The following GMPS variants were observed in gnomAD, a reference collection of about 807,000 sequenced individuals.
The protein encoded by GMPS is guanosine monophosphate synthase, also known as GMP synthase [glutamine-hydrolyzing].
Under a neutral mutation model 77.9 loss-of-function variants are expected in GMPS, and 15 were observed. The ratio of observed to expected loss-of-function variants is 0.19; its 90% confidence interval spans 0.13 to 0.30. The LOEUF (loss-of-function observed/expected upper bound fraction) is 0.30, where lower values mean the gene tolerates loss of function less well. Among genes scored for constraint, GMPS ranks in the 10% least tolerant of loss-of-function variants. The pLI is 1.00. For synonymous variants in GMPS, 224 were observed against 275.9 expected (o/e 0.81, Z 1.86); for missense variants, 590 against 838.8 (o/e 0.70, Z 3.66).
chr3:155,937,578 T>A lies in GMPS; in HGVS notation c.1981-13T>A, dbSNP rs777109071. ...AGTGGATGCTGACTTTTCTCTATAA[T>A]TTTTTTTAATAGGTGGTATTAAAGA... On this transcript the variant is annotated splice_polypyrimidine_tract_variant and intron_variant, in intron 15 of 15. Transcript: ENST00000496455. 6.2e-6 allele frequency: 7 copies of A among 1,136,164 alleles called. No individual in the cohort carries two copies. The highest frequency in any genetic ancestry group is 1.2e-5 in the South Asian group (1 of 80,156). The allele number at this position is 1,136,164 out of a possible 1,614,324, so 70.4% of individuals were successfully genotyped here. A position where few individuals can be genotyped will look rare whatever the true frequency, so the allele number is the denominator to read the frequency against.
intron 8 of GMPS, among the ~76,000 whole-genome samples, chr3:155,915,466 A>G (rs375678024): frequency 5.3e-5 from 8 of 151,868 alleles, no homozygotes; most frequent in Non-Finnish European, 8.8e-5. Flanking sequence ...TAGTGGTGCA[A>G]TCTTGGCTCA....
chr3:155,870,819 C>T lies in GMPS; in HGVS notation c.-52C>T. 1.2e-5 allele frequency: 15 copies of T among 1,278,968 alleles called. No homozygotes were observed. The South Asian group carries it at 2.0e-4, about 17-fold the overall frequency. 79.2% of individuals were successfully genotyped at this position (1,278,968 alleles called of 1,614,324 possible). A position where few individuals can be genotyped will look rare whatever the true frequency, so the allele number is the denominator to read the frequency against. Reference sequence around the variant, plus strand: ...GGCGCCGACCCTTCCGGCACCCTCCCGCCCCGTCTCGTACTGTCGCCGTCA... The same window carrying T: ...GGCGCCGACCCTTCCGGCACCCTCCTGCCCCGTCTCGTACTGTCGCCGTCA... On this transcript the variant is annotated 5_prime_UTR_variant, in exon 1 of 16. Transcript: ENST00000496455.
chr3:155,903,348 G>A (rs996149352), intron 3 of GMPS, among the ~76,000 whole-genome samples: 1 of 152,178 alleles, frequency 6.6e-6, no homozygotes, highest in African/African-American at 2.4e-5. Context: ...TAACTGAAAG[G>A]CCAGATTTTC....
intron 12 of GMPS, 83 bp from the exon 13 acceptor site, chr3:155,931,682 T>C (rs200682986): frequency 3.9e-6 from 2 of 515,366 alleles, no homozygotes; most frequent in South Asian, 5.2e-5. Flanking sequence ...TCTTTTTTTT[T>C]TAAAAAAAAA....
chr3:155,936,570 G>A lies in GMPS; in HGVS notation c.1980+60G>A, dbSNP rs554752949. The A allele has an allele frequency of 3.1e-4, 295 of 962,742 alleles. 2 individuals are homozygous for A. In the South Asian group the frequency reaches 4.0e-3, roughly 13 times the overall value. The allele number at this position is 962,742 out of a possible 1,614,324, so 59.6% of individuals were successfully genotyped here. On this transcript the variant is annotated intron_variant, in intron 15 of 15. Transcript: ENST00000496455. ...AGTACCTCTTACATTTTATAATATG[G>A]TGAATGGAATAGGCTATGCCAGTGC... is the stretch of plus-strand genomic sequence containing the variant.
chr3:155,893,256 A>T (rs2108073428), intron 1 of GMPS, among the ~76,000 whole-genome samples: 1 of 152,326 alleles, frequency 6.6e-6, no homozygotes, highest in Non-Finnish European at 1.5e-5. Context: ...TCATGCATGT[A>T]AGATATATAT....
At chr3:155,908,776 G>A (rs1359053796) in intron 5 of GMPS, among the ~76,000 whole-genome samples, 2 of 152,110 alleles carry the variant, frequency 1.3e-5, no homozygotes, top group East Asian at 1.9e-4. Context: ...ATTCAAGATG[G>A]TTTATTAAAC....
At chr3:155,889,827 G>T (rs1285536697) in intron 1 of GMPS, among the ~76,000 whole-genome samples, 2 of 152,006 alleles carry the variant, frequency 1.3e-5, no homozygotes, top group African/African-American at 2.4e-5. Flanking sequence ...ATTTTATTAT[G>T]ATGCACTCAG....
rs905564809 is a variant in GMPS, at chr3:155,941,436, A to C, written c.*3744A>C. The C allele has an allele frequency of 5.1e-6, 1 of 195,526 alleles. No individual in the cohort carries two copies. Among genetic ancestry groups the C allele is most frequent in the Non-Finnish European group, 1.1e-5 (1 of 94,878 alleles). 12.1% of individuals were successfully genotyped at this position (195,526 alleles called of 1,614,324 possible). A position where few individuals can be genotyped will look rare whatever the true frequency, so the allele number is the denominator to read the frequency against. On this transcript the variant is annotated 3_prime_UTR_variant, in exon 16 of 16. Coordinates refer to ENST00000496455, the MANE Select transcript of GMPS (RefSeq NM_003875.3). ...AAAAAAAAGGAAGTTCTTAGTGTGT[A>C]ATTGACCATCAGGGATAAATGGGCT...
intron 5 of GMPS, among the ~76,000 whole-genome samples, chr3:155,910,458 A>G (rs1047826853): frequency 2.6e-5 from 4 of 151,570 alleles, no homozygotes; most frequent in Non-Finnish European, 4.4e-5. Flanking sequence ...AATGCCAGCT[A>G]CTTGGGAGCC....
intron 7 of GMPS, among the ~76,000 whole-genome samples, chr3:155,913,530 T>TTC (rs1371642074): frequency 6.6e-6 from 1 of 151,246 alleles, no homozygotes; most frequent in Non-Finnish European, 1.5e-5. Context: ...TAAATTTTTT[T>TTC]TTTTTTTTTG....
Position 155,939,699 on chromosome 3 carries a change from A to G in GMPS, c.*2007A>G, listed in dbSNP as rs1283510957. The G allele has an allele frequency of 2.1e-5, 4 of 192,664 alleles. No individual in the cohort carries two copies. The highest frequency in any genetic ancestry group is 3.3e-5 in the Non-Finnish European group (3 of 92,256). The allele number at this position is 192,664 out of a possible 1,614,324, so 11.9% of individuals were successfully genotyped here. A position where few individuals can be genotyped will look rare whatever the true frequency, so the allele number is the denominator to read the frequency against. On this transcript the variant is annotated 3_prime_UTR_variant, in exon 16 of 16. Coordinates refer to ENST00000496455, the MANE Select transcript of GMPS (RefSeq NM_003875.3). ...TATATACTTAATATAATATTGGGAA[A>G]ATTGTTACTCCAAAGCACATCTTGA...
chr3:155,928,505 T>A (rs550114002), intron 12 of GMPS, among the ~76,000 whole-genome samples: 51 of 152,264 alleles, frequency 3.3e-4, no homozygotes, highest in Non-Finnish European at 6.5e-4. Flanking sequence ...AGAGAATAAA[T>A]TATCAGTTTT....
chr3:155,928,421 C>T (rs1490116384), intron 12 of GMPS, among the ~76,000 whole-genome samples: 5 of 152,104 alleles, frequency 3.3e-5, no homozygotes, highest in Admixed American at 6.5e-5. Flanking sequence ...TTAGGTACTT[C>T]TCTAATCTGT....
intron 3 of GMPS, among the ~76,000 whole-genome samples, chr3:155,899,494 G>C (rs1001913000): frequency 5.3e-5 from 8 of 149,912 alleles, no homozygotes; most frequent in Admixed American, 2.0e-4. Context: ...AAATTAAGAA[G>C]GTATAGAAAT....
At chr3:155,899,328 G>A (rs905850157) in intron 3 of GMPS, among the ~76,000 whole-genome samples, 11 of 151,436 alleles carry the variant, frequency 7.3e-5, no homozygotes, top group African/African-American at 2.2e-4. Flanking sequence ...AGATCATGCC[G>A]TTGCACTCCA....
chr3:155,881,446 A>C (rs1323054997), intron 1 of GMPS, among the ~76,000 whole-genome samples: 2 of 152,174 alleles, frequency 1.3e-5, no homozygotes, highest in Non-Finnish European at 2.9e-5. Context: ...TGCTGGGGTT[A>C]CAGGCGTGAG....
rs35910218 is a variant in GMPS at position 155,910,873 on chromosome 3, G to C, written c.708G>C (p.Thr236=). 1 of 1,573,850 alleles carries C rather than the reference G, an allele frequency of 6.4e-7. No homozygotes were observed. The highest frequency in any genetic ancestry group is 8.6e-7 in the Non-Finnish European group (1 of 1,165,058). ...GAGAGATCAAAGAGAGAGTAGGCACGTCAAAAGTTTTGGTAAGCAAATTAT... is the reference window on the plus strand; with the variant it reads ...GAGAGATCAAAGAGAGAGTAGGCACCTCAAAAGTTTTGGTAAGCAAATTAT... The part of the protein sequence containing the change: ...CIREIKERVG[T]SKVLVLLSGG... Residue 236 remains threonine, a synonymous_variant, in exon 6 of 16, where the codon ACG becomes ACC. Transcript: ENST00000496455.
At position 155,914,534 on chromosome 3, in the gene GMPS, A is replaced by G. The variant is rs755919447; in HGVS notation, c.1002A>G (p.Glu334=). ...CGTTAAATATGACCACAAGTCCTGA[A>G]GAGAAAAGAAAAATCATTGGGGATA... ...SKTLNMTTSP[E]EKRKIIGDTF... The change falls in exon 8 of 16, where the codon GAA becomes GAG. Residue 334 remains glutamate, a synonymous_variant. Coordinates refer to ENST00000496455, the MANE Select transcript of GMPS (RefSeq NM_003875.3). 8 of 1,595,330 alleles carry G rather than the reference A, an allele frequency of 5.0e-6. No homozygotes were observed. Among genetic ancestry groups the G allele is most frequent in the Non-Finnish European group, 6.8e-6 (8 of 1,173,484 alleles).
Sources: gnomAD v4.1 joint callset for allele counts (sites outside exome capture counted in the v4.1 genomes callset) on GRCh38, gnomAD v4.1.1 for gene constraint, MANE v1.5 for transcripts, NCBI Gene and HGNC (gene_info 2026-07-23, HGNC 2026-07-21) for gene names.